The following SLC40A1 variants were observed in gnomAD, a reference collection of about 807,000 sequenced individuals.
SLC40A1 encodes the protein ferroportin.
In SLC40A1, 16 loss-of-function variants were observed where a neutral mutation model predicts 53.5. The ratio of observed to expected loss-of-function variants is 0.30; its 90% CI spans 0.20 to 0.45. The LOEUF is 0.45. Ranked by LOEUF, SLC40A1 falls within the 20% of genes least tolerant of loss-of-function variation. The pLI is 1.00. For missense variants in SLC40A1, 545 were observed against 695.4 expected (o/e 0.78, Z 2.43); for synonymous variants, 247 against 253.2 (o/e 0.98, Z 0.23).
Position 189,564,122 on chromosome 2 carries a change from C to T in SLC40A1, c.864G>A (p.Met288Ile). Residue 288 changes from methionine to isoleucine, a missense_variant, in exon 7 of 8, where the codon ATG (methionine) becomes ATA (isoleucine). By Grantham distance (10) the Met-to-Ile change is conservative. Transcript: ENST00000261024. ...CTCGGAAGGTACGGAAGGGCTCAGC[C>T]ATCTGGGAGGCACAAGTAGGCTCTT... ...HEQEPTCASQ[M>I]AEPFRTFRDG... 2 of 1,611,450 alleles carry T rather than the reference C, an allele frequency of 1.2e-6. No homozygotes were observed. Among genetic ancestry groups the T allele is most frequent in the Non-Finnish European group, 1.7e-6 (2 of 1,178,878 alleles).
chr2:189,574,715 G>A (rs943860092), intron 3 of SLC40A1, among the ~76,000 whole-genome samples: 2 of 152,036 alleles, frequency 1.3e-5, no homozygotes, highest in African/African-American at 4.8e-5. Context: ...ATTCTGCCTT[G>A]AAGCTATTCT....
At chr2:189,563,357 T>C (rs1316703621) in intron 7 of SLC40A1, among the ~76,000 whole-genome samples, 2 of 151,640 alleles carry the variant, frequency 1.3e-5, no homozygotes, top group Non-Finnish European at 2.9e-5. Context: ...TGAACCATGT[T>C]TTAAGTATAT....
chr2:189,571,912 G>A, intron 4 of SLC40A1, 71 bp from the exon 5 acceptor site: 1 of 1,001,174 alleles, frequency 1.0e-6, no homozygotes, highest in Non-Finnish European at 1.6e-6. Context: ...ACTAAACAAG[G>A]CAGTTTAAAA....
chr2:189,569,526 C>G (rs114229139), intron 5 of SLC40A1, among the ~76,000 whole-genome samples: 2,223 of 152,306 alleles, frequency 0.015, 50 homozygotes, highest in African/African-American at 0.051. Flanking sequence ...TTTCCTTTAT[C>G]CTCCTCCTTT....
At position 189,575,228 on chromosome 2, in the gene SLC40A1, C is replaced by T. The variant is rs1327519623; in HGVS notation, c.204G>A (p.Val68=). 1 of 1,614,190 alleles carries T rather than the reference C, an allele frequency of 6.2e-7. No homozygotes were observed. The change falls in exon 3 of 8, where the codon GTG becomes GTA. Residue 68 remains valine (V), a synonymous_variant. Coordinates refer to ENST00000261024, the MANE Select transcript of SLC40A1 (RefSeq NM_014585.6). The part of the protein sequence containing the change: ...LLLTAVYGLV[V]AGSVLVLGAI... The stretch of plus-strand genomic sequence containing the variant: ...CTCCCAGGACCAGAACAGACCCTGC[C>T]ACCACCAGCCCGTAGACTGCTGTCA...
chr2:189,571,572 G>A, intron 5 of SLC40A1, 143 bp downstream of exon 5: 1 of 1,360,824 alleles, frequency 7.3e-7, no homozygotes, highest in Non-Finnish European at 1.0e-6. Flanking sequence ...CTGACAATAA[G>A]GTAAGAAAAA....
In SLC40A1 at chr2:189,561,824, T is replaced by C; in HGVS notation, c.*54A>G. 3 of 1,452,518 alleles carry C rather than the reference T, an allele frequency of 2.1e-6. No homozygotes were observed. In the East Asian group the frequency reaches 6.8e-5, roughly 33 times the overall value. 90.0% of individuals were successfully genotyped at this position (1,452,518 alleles called of 1,614,324 possible). On this transcript the variant is annotated 3_prime_UTR_variant, in exon 8 of 8. Transcript: ENST00000261024. ...TTTATTGGAATTCTGCAGTACAAAATAAGCACATGTGCTCTATATAATCTA... is the reference window on the plus strand; with the variant it reads ...TTTATTGGAATTCTGCAGTACAAAACAAGCACATGTGCTCTATATAATCTA...
At chr2:189,574,820 T>C (rs2031238841) in intron 3 of SLC40A1, among the ~76,000 whole-genome samples, 1 of 152,200 alleles carries the variant, frequency 6.6e-6, no homozygotes, top group African/African-American at 2.4e-5. Flanking sequence ...CTAAAGGGAC[T>C]CCAGTACAAG....
chr2:189,564,302 T>C, intron 6 of SLC40A1, 77 bp from the exon 7 acceptor site: 2 of 1,266,242 alleles, frequency 1.6e-6, no homozygotes, highest in Non-Finnish European at 2.3e-6. Flanking sequence ...GTACTTTTTT[T>C]CCTTCTATTC....
At chr2:189,574,355 T>G (rs1321217518) in intron 3 of SLC40A1, among the ~76,000 whole-genome samples, 2 of 152,232 alleles carry the variant, frequency 1.3e-5, no homozygotes, top group Non-Finnish European at 2.9e-5. Context: ...TATGTTCACC[T>G]TGACCATTTT....
At chr2:189,566,873 A>G (rs2030954735) in intron 5 of SLC40A1, among the ~76,000 whole-genome samples, 1 of 152,204 alleles carries the variant, frequency 6.6e-6, no homozygotes, top group South Asian at 2.1e-4. Context: ...AGAATCAGAG[A>G]AAATAGTGTG....
rs574083158 is a variant in SLC40A1 at position 189,568,638 on chromosome 2, T to A, written c.515-3039A>T. Among the ~76,000 whole-genome samples, 4 of 152,394 alleles carry A rather than the reference T, an allele frequency of 2.6e-5. No individual in the cohort carries two copies. The South Asian group carries it at 8.3e-4, about 32-fold the overall frequency. ...TGATTTGATTCCAATTTAACTGTTCTCAGCTACAGCTGTGGCACAGAACAT... is the reference window on the plus strand; with the variant it reads ...TGATTTGATTCCAATTTAACTGTTCACAGCTACAGCTGTGGCACAGAACAT... On this transcript the variant is annotated intron_variant, in intron 5 of 7. Coordinates refer to ENST00000261024, the MANE Select transcript of SLC40A1 (RefSeq NM_014585.6).
chr2:189,569,960 G>GTA (rs2031068185), intron 5 of SLC40A1, among the ~76,000 whole-genome samples: 1 of 149,638 alleles, frequency 6.7e-6, no homozygotes, highest in Non-Finnish European at 1.5e-5. Flanking sequence ...TATGATGTGT[G>GTA]TATATATATG....
chr2:189,562,340 G>C, intron 7 of SLC40A1, 149 bp from the exon 8 acceptor site: 1 of 606,648 alleles, frequency 1.6e-6, no homozygotes. Context: ...CTTGCCTTAA[G>C]AATTATTTTT....
At position 189,564,187 on chromosome 2, in the gene SLC40A1, C is replaced by A; in HGVS notation, c.799G>T (p.Gly267Cys). Residue 267 changes from glycine to cysteine, a missense_variant, in exon 7 of 8, where the codon GGT (glycine) becomes TGT (cysteine). Gly to Cys is a radical substitution (Grantham distance 159). Around this residue, in one of 4 missense-constraint regions of SLC40A1, gnomAD observed 107 missense variants for 91.0 expected, o/e 1.18. Coordinates refer to ENST00000261024, the MANE Select transcript of SLC40A1 (RefSeq NM_014585.6). ...PKPLEGTHLM[G>C]VKDSNIHELE... ...TCATGGATGTTAGAGTCTTTCACAC[C>A]CATTAGATGAGTTCCCTCCAGGGGT... 6.2e-7 allele frequency: 1 copy of A among 1,613,718 alleles called. No individual in the cohort carries two copies. Among genetic ancestry groups the A allele is most frequent in the South Asian group, 1.1e-5 (1 of 90,976 alleles).
intron 6 of SLC40A1, 42 bp from the exon 7 acceptor site, chr2:189,564,267 T>C (rs1213302676): frequency 4.4e-6 from 7 of 1,588,668 alleles, no homozygotes; most frequent in Non-Finnish European, 6.0e-6. Flanking sequence ...GGAGGACATG[T>C]AGAAATAAAA....
At chr2:189,564,967 T>C (rs1273155852) in intron 6 of SLC40A1, among the ~76,000 whole-genome samples, 2 of 152,238 alleles carry the variant, frequency 1.3e-5, no homozygotes, top group Non-Finnish European at 2.9e-5. Context: ...CCTCACTCCC[T>C]TCCACTGTCC....
intron 6 of SLC40A1, 84 bp from the exon 7 acceptor site, chr2:189,564,309 A>C (rs761473710): frequency 2.8e-5 from 34 of 1,209,442 alleles, no homozygotes; most frequent in Non-Finnish European, 4.1e-5. Context: ...TTTTCCTTCT[A>C]TTCCCCTTCC....
At chr2:189,562,473 C>T (rs1363924157) in intron 7 of SLC40A1, among the ~76,000 whole-genome samples, 1 of 152,084 alleles carries the variant, frequency 6.6e-6, no homozygotes, top group African/African-American at 2.4e-5. Flanking sequence ...ACTACAAAAA[C>T]AAAACTTTGA....
Sources: allele counts gnomAD v4.1 joint callset (sites outside exome capture counted in the v4.1 genomes callset), GRCh38; gene constraint gnomAD v4.1.1; regional missense constraint gnomAD v4.1.1; transcripts MANE v1.5; gene names NCBI Gene and HGNC (gene_info 2026-07-23, HGNC 2026-07-21).